NKAIN3: variants seen among roughly 807,000 people sequenced by gnomAD.
The protein encoded by NKAIN3 is sodium/potassium-transporting ATPase subunit beta-1-interacting protein 3.
NKAIN3 carries 25 observed loss-of-function variants against 30.2 expected under a neutral mutation model. The observed-to-expected ratio is 0.83, with a 90% CI of 0.60 to 1.16. NKAIN3 has a LOEUF of 1.16. NKAIN3 is among the 50% of genes most tolerant of loss of function. The pLI, the probability that NKAIN3 is intolerant of heterozygous loss-of-function variation, is 0.00. For missense variants in NKAIN3, 225 were observed against 254.1 expected (o/e 0.89, Z 0.78); for synonymous variants, 91 against 89.6 (o/e 1.02, Z -0.09).
At chr8:62,679,659 G>T (rs1443254471) in intron 3 of NKAIN3, among the ~76,000 whole-genome samples, 1 of 152,100 alleles carries the variant, frequency 6.6e-6, no homozygotes, top group Non-Finnish European at 1.5e-5. Context: ...ATCTTACATG[G>T]CCAGAGCAGA....
chr8:62,655,949 T>A (rs535737736), intron 3 of NKAIN3, among the ~76,000 whole-genome samples: 1 of 152,214 alleles, frequency 6.6e-6, no homozygotes, highest in East Asian at 1.9e-4. Context: ...AAAGACTGTG[T>A]TAGAAATAAA....
intron 1 of NKAIN3, among the ~76,000 whole-genome samples, chr8:62,416,301 T>C (rs1804442879): frequency 6.6e-6 from 1 of 152,234 alleles, no homozygotes; most frequent in African/African-American, 2.4e-5. Context: ...CTTATAGTTT[T>C]GTGAGGGTGA....
intron 3 of NKAIN3, among the ~76,000 whole-genome samples, chr8:62,661,489 A>G (rs1812942301): frequency 6.6e-6 from 1 of 152,188 alleles, no homozygotes; most frequent in African/African-American, 2.4e-5. Flanking sequence ...GGCTGGGGCC[A>G]AGAAGGTGGG....
intron 1 of NKAIN3, among the ~76,000 whole-genome samples, chr8:62,273,905 C>T (rs919181490): frequency 2.4e-4 from 36 of 152,114 alleles, no homozygotes; most frequent in African/African-American, 8.4e-4. Context: ...TATGTAAATC[C>T]CCCCTTCCTT....
chr8:62,292,846 T>G (rs1290519920), intron 1 of NKAIN3, among the ~76,000 whole-genome samples: 1 of 152,206 alleles, frequency 6.6e-6, no homozygotes, highest in Non-Finnish European at 1.5e-5. Flanking sequence ...GGTTCCATTC[T>G]CCCCATCACT....
chr8:62,956,904 T>C (rs1823434607), intron 6 of NKAIN3, among the ~76,000 whole-genome samples: 1 of 152,228 alleles, frequency 6.6e-6, no homozygotes, highest in Non-Finnish European at 1.5e-5. Flanking sequence ...TGGTTAACTC[T>C]CGCTTAGCGA....
intron 4 of NKAIN3, among the ~76,000 whole-genome samples, chr8:62,822,821 T>C (rs1273567114): frequency 6.6e-6 from 1 of 152,176 alleles, no homozygotes. Context: ...TTTGTCTCTG[T>C]GTGAACATCA....
At chr8:62,856,885 A>G (rs1469464597) in intron 4 of NKAIN3, 3 of 586,498 alleles carry the variant, frequency 5.1e-6, no homozygotes, top group Admixed American at 4.6e-5. Flanking sequence ...CACACTTTGG[A>G]TACACTGGAT....
chr8:62,357,952 G>T (rs554607429), intron 1 of NKAIN3, among the ~76,000 whole-genome samples: 118 of 152,190 alleles, frequency 7.8e-4, no homozygotes, highest in African/African-American at 2.7e-3. Context: ...CAGGCTATTT[G>T]TTCTTTGGAG....
At chr8:62,674,547 T>C (rs1465083069) in intron 3 of NKAIN3, among the ~76,000 whole-genome samples, 6 of 152,188 alleles carry the variant, frequency 3.9e-5, no homozygotes, top group Non-Finnish European at 8.8e-5. Flanking sequence ...GTATCACTGT[T>C]GTTAGAAACA....
chr8:62,825,810 T>C (rs1373585206), intron 4 of NKAIN3, among the ~76,000 whole-genome samples: 1 of 152,172 alleles, frequency 6.6e-6, no homozygotes, highest in East Asian at 1.9e-4. Context: ...TGCTCTGTGG[T>C]GCTGCTACAG....
At chr8:62,545,182 C>T (rs922654050) in intron 1 of NKAIN3, among the ~76,000 whole-genome samples, 1 of 152,198 alleles carries the variant, frequency 6.6e-6, no homozygotes, top group African/African-American at 2.4e-5. Context: ...CTATTATACA[C>T]ACTAACCTAA....
chr8:62,896,295 C>A (rs1240794800), intron 4 of NKAIN3, among the ~76,000 whole-genome samples: 1 of 152,068 alleles, frequency 6.6e-6, no homozygotes, highest in Admixed American at 6.6e-5. Flanking sequence ...GGGGCTCCAC[C>A]CTCATGACCT....
At position 62,689,323 on chromosome 8, in the gene NKAIN3, C is replaced by T. The variant is rs577270532; in HGVS notation, c.274-57609C>T. Reference sequence around the variant, plus strand: ...GCCCTAGGCTCCTGCTCACAGAACACAGCCCCCAGAGACCAGGTCTCTCCC... The same window carrying T: ...GCCCTAGGCTCCTGCTCACAGAACATAGCCCCCAGAGACCAGGTCTCTCCC... On this transcript the variant is annotated intron_variant, in intron 3 of 6. Transcript: ENST00000623646. 2.1e-3 allele frequency among the ~76,000 whole-genome samples: 324 copies of T among 152,244 alleles called. 1 individual carries two copies. The highest frequency in any genetic ancestry group is 3.8e-4 in the Non-Finnish European group (26 of 68,012).
chr8:62,444,145 G>A (rs1805413311), intron 1 of NKAIN3, among the ~76,000 whole-genome samples: 1 of 152,056 alleles, frequency 6.6e-6, no homozygotes, highest in Admixed American at 6.6e-5. Context: ...TGGGATACAA[G>A]TGATAATTTC....
intron 1 of NKAIN3, among the ~76,000 whole-genome samples, chr8:62,490,036 A>G (rs34246187): frequency 0.073 from 11,165 of 152,322 alleles, 511 homozygotes; most frequent in African/African-American, 0.13. Flanking sequence ...AATATGGAAA[A>G]TACTACAGTA....
At chr8:62,939,519 C>A (rs921704804) in intron 5 of NKAIN3, among the ~76,000 whole-genome samples, 4 of 152,074 alleles carry the variant, frequency 2.6e-5, no homozygotes, top group African/African-American at 9.7e-5. Context: ...ATCAGGTAAC[C>A]TATAAAGGAA....
chr8:62,779,150 C>T (rs561923632), intron 4 of NKAIN3, among the ~76,000 whole-genome samples: 1 of 152,180 alleles, frequency 6.6e-6, no homozygotes, highest in East Asian at 1.9e-4. Context: ...TCTTACAAAG[C>T]TGTGATCTGT....
intron 1 of NKAIN3, among the ~76,000 whole-genome samples, chr8:62,344,071 T>C (rs1429118026): frequency 6.6e-6 from 1 of 151,976 alleles, no homozygotes; most frequent in African/African-American, 2.4e-5. Context: ...TTTGGATTGG[T>C]TGTTGAGATT....
Sources: allele counts gnomAD v4.1 joint callset (sites outside exome capture counted in the v4.1 genomes callset), GRCh38; gene constraint gnomAD v4.1.1; transcripts MANE v1.5; gene names NCBI Gene and HGNC (gene_info 2026-07-23, HGNC 2026-07-21).